Variants in ATAD2B observed in about 807,000 individuals in gnomAD.
ATAD2B encodes the protein ATPase family AAA domain containing 2B.
In ATAD2B, 40 loss-of-function variants were observed where a neutral mutation model predicts 167.6. That is an observed-to-expected ratio of 0.24 (90% CI 0.19 to 0.31). The LOEUF is 0.31. Ranked by LOEUF, ATAD2B falls within the 10% of genes least tolerant of loss-of-function variation. The pLI is 1.00. For synonymous variants in ATAD2B, 579 were observed against 596.5 expected (o/e 0.97, Z 0.43); for missense variants, 1,242 against 1,757.2 (o/e 0.71, Z 5.24).
chr2:23,830,945 A>T (rs973342732), intron 14 of ATAD2B, among the ~76,000 whole-genome samples: 1 of 152,136 alleles, frequency 6.6e-6, no homozygotes, highest in African/African-American at 2.4e-5. Flanking sequence ...AAAGTAATGA[A>T]ATTAATTATC....
chr2:23,737,490 T>A, the ATAD2B span, among the ~76,000 whole-genome samples: 3 of 152,296 alleles, frequency 2.0e-5, no homozygotes, highest in Admixed American at 2.0e-4. Context: ...GAGGGTCCTC[T>A]CTGTTAGAAG....
rs1194030925 is a variant in ATAD2B at position 23,807,916 on chromosome 2, A to C, written c.2454+2400T>G. 9.4e-4 allele frequency among the ~76,000 whole-genome samples: 125 copies of C among 132,546 alleles called. No individual in the cohort carries two copies. In the East Asian group the frequency reaches 0.016, roughly 17 times the overall value. The allele number at this position is 132,546 out of a possible 152,430, so 87.0% of individuals were successfully genotyped here. A position where few individuals can be genotyped will look rare whatever the true frequency, so the allele number is the denominator to read the frequency against. ...TATAATAAAATATATAAATATAAAT[A>C]TATAAATATATTTATAATATATATA... On this transcript the variant is annotated intron_variant, in intron 18 of 27. Coordinates refer to ENST00000238789, the MANE Select transcript of ATAD2B (RefSeq NM_017552.4).
At chr2:23,686,279 AAGG>A in the ATAD2B span, among the ~76,000 whole-genome samples, 1 of 151,618 alleles carries the variant, frequency 6.6e-6, no homozygotes, top group Non-Finnish European at 1.5e-5. Flanking sequence ...CACCTGAAGG[AAGG>A]AGAACAGTAG....
intron 1 of ATAD2B, among the ~76,000 whole-genome samples, chr2:23,911,773 G>C (rs1413436171): frequency 2.0e-5 from 3 of 151,986 alleles, no homozygotes; most frequent in Admixed American, 2.0e-4. Context: ...TCAGGAGTTC[G>C]AGAGCAGCCT....
chr2:23,866,733 T>G (rs1423681589), intron 10 of ATAD2B, among the ~76,000 whole-genome samples: 1 of 152,202 alleles, frequency 6.6e-6, no homozygotes, highest in Non-Finnish European at 1.5e-5. Flanking sequence ...AGATTAGAGA[T>G]AGTTAAAATT....
At chr2:23,693,990 C>G in the ATAD2B span, among the ~76,000 whole-genome samples, 1 of 152,162 alleles carries the variant, frequency 6.6e-6, no homozygotes, top group Non-Finnish European at 1.5e-5. Flanking sequence ...CCATTGAGCC[C>G]CAGAGAAAGG....
At chr2:23,916,596 GAAT>G (rs1703071075) in intron 1 of ATAD2B, among the ~76,000 whole-genome samples, 1 of 152,108 alleles carries the variant, frequency 6.6e-6, no homozygotes, top group African/African-American at 2.4e-5. Context: ...TGGCACATAA[GAAT>G]AATTCCCTCT....
intron 16 of ATAD2B, among the ~76,000 whole-genome samples, chr2:23,820,703 T>C (rs2879640): frequency 0.12 from 18,359 of 152,260 alleles, 1,178 homozygotes; most frequent in Middle Eastern, 0.22. Context: ...TGCTAGCAGA[T>C]AGAGATCTCA....
chr2:23,681,999 C>T, the ATAD2B span, among the ~76,000 whole-genome samples: 32 of 152,168 alleles, frequency 2.1e-4, no homozygotes, highest in Admixed American at 8.5e-4. The surrounding 1 kb of genome is among the most constrained non-coding windows in gnomAD (Gnocchi z 4.2). Flanking sequence ...CGCCTCCTAC[C>T]CCATCCCCCA....
the ATAD2B span, among the ~76,000 whole-genome samples, chr2:23,739,237 C>T: frequency 6.6e-6 from 1 of 152,222 alleles, no homozygotes. Flanking sequence ...CCCAAATCAA[C>T]AGAATATACA....
chr2:23,691,852 T>C, the ATAD2B span: 2 of 1,550,842 alleles, frequency 1.3e-6, no homozygotes, highest in African/African-American at 1.4e-5. Context: ...CCACACCTTC[T>C]GCAAAGTCTG....
rs1468293120 is a variant in ATAD2B, at chr2:23,863,574, CAAG to C, written c.1305-22_1305-20del. 2.0e-6 allele frequency: 3 copies of C among 1,533,624 alleles called. No homozygotes were observed. Among genetic ancestry groups the C allele is most frequent in the East Asian group, 4.8e-5 (2 of 41,598 alleles). On this transcript the variant is annotated intron_variant, in intron 11 of 27. Coordinates refer to ENST00000238789, the MANE Select transcript of ATAD2B (RefSeq NM_017552.4). ...ACAGCCCCTAGAAGAATAAAAAAAT[CAAG>C]AAGTGTAAATTATATTATCATCACT...
At chr2:23,784,515 T>C (rs1030849987) in intron 21 of ATAD2B, among the ~76,000 whole-genome samples, 2 of 152,136 alleles carry the variant, frequency 1.3e-5, no homozygotes, top group Non-Finnish European at 2.9e-5. Flanking sequence ...CCGTCATTTA[T>C]AAAACTATTA....
At position 23,919,313 on chromosome 2, in the gene ATAD2B, G is replaced by A. The variant is rs143563900; in HGVS notation, c.216+7242C>T. On this transcript the variant is annotated intron_variant, in intron 1 of 27. Coordinates refer to ENST00000238789, the MANE Select transcript of ATAD2B (RefSeq NM_017552.4). ...TGTAATCCCAGCACTTTGGGAGGCCGGGGTGGGTGGACTGCTTAAGCCCAG... is the reference window on the plus strand; with the variant it reads ...TGTAATCCCAGCACTTTGGGAGGCCAGGGTGGGTGGACTGCTTAAGCCCAG... 7.8e-3 allele frequency among the ~76,000 whole-genome samples: 1,192 copies of A among 152,242 alleles called. 6 individuals carry two copies. Among genetic ancestry groups the A allele is most frequent in the Non-Finnish European group, 0.011 (742 of 68,006 alleles).
At chr2:23,689,692 AG>A in the ATAD2B span, 1 of 152,460 alleles carries the variant, frequency 6.6e-6, no homozygotes, top group Admixed American at 6.5e-5. Flanking sequence ...CAGGGCAGAA[AG>A]GGCATGCAGA....
chr2:23,707,555 T>C, the ATAD2B span: 10 of 152,140 alleles, frequency 6.6e-5, no homozygotes, highest in South Asian at 2.1e-4. Context: ...CCCCATTTTA[T>C]TTTTAGAAAA....
intron 13 of ATAD2B, among the ~76,000 whole-genome samples, chr2:23,851,411 G>A (rs1374923310): frequency 3.3e-5 from 5 of 152,168 alleles, no homozygotes; most frequent in Admixed American, 1.3e-4. Flanking sequence ...AAAGTGCTGG[G>A]ACTACAAGTG....
intron 2 of ATAD2B, among the ~76,000 whole-genome samples, chr2:23,888,955 C>G (rs1196116131): frequency 6.6e-6 from 1 of 152,082 alleles, no homozygotes; most frequent in Admixed American, 6.6e-5. Flanking sequence ...TGGAAAGTTA[C>G]TAAAAAGGCC....
At chr2:23,859,288 G>A (rs978826642) in intron 12 of ATAD2B, among the ~76,000 whole-genome samples, 6 of 151,826 alleles carry the variant, frequency 4.0e-5, no homozygotes, top group Admixed American at 6.6e-5. Flanking sequence ...AGTTCTAGAA[G>A]CTACTTATTT....
Sources: gnomAD v4.1 joint callset for allele counts (sites outside exome capture counted in the v4.1 genomes callset) on GRCh38, gnomAD v4.1.1 for gene constraint, Gnocchi (gnomAD v3.1) non-coding constraint, MANE v1.5 for transcripts, NCBI Gene and HGNC (gene_info 2026-07-23, HGNC 2026-07-21) for gene names.